SEMA5A: variants seen among roughly 807,000 people sequenced by gnomAD.
The protein encoded by SEMA5A is semaphorin-5A.
In SEMA5A, 55 loss-of-function variants were observed where a neutral mutation model predicts 135.5. The observed-to-expected ratio is 0.41, with a 90% CI of 0.33 to 0.51. The LOEUF is 0.51. SEMA5A is among the 20% of genes least tolerant of loss of function. The pLI is 0.37. For synonymous variants in SEMA5A, 580 were observed against 546.5 expected (o/e 1.06, Z -0.85); for missense variants, 1,290 against 1,419.9 (o/e 0.91, Z 1.47).
At chr5:9,099,174 C>T (rs1033071112) in intron 16 of SEMA5A, among the ~76,000 whole-genome samples, 3 of 152,122 alleles carry the variant, frequency 2.0e-5, no homozygotes, top group African/African-American at 7.2e-5. Context: ...TGCCATACAT[C>T]ATTCTTAAGC....
intron 11 of SEMA5A, among the ~76,000 whole-genome samples, chr5:9,161,509 C>A (rs1743254206): frequency 6.6e-6 from 1 of 152,150 alleles, no homozygotes; most frequent in Non-Finnish European, 1.5e-5. Context: ...CATATGTAAT[C>A]AATATAAAAT....
intron 11 of SEMA5A, among the ~76,000 whole-genome samples, chr5:9,181,085 T>C (rs930284083): frequency 6.6e-6 from 1 of 152,116 alleles, no homozygotes; most frequent in Non-Finnish European, 1.5e-5. Context: ...TAAGTGAAGG[T>C]GACAGGCATG....
chr5:9,083,878 C>T (rs961253500), intron 16 of SEMA5A, among the ~76,000 whole-genome samples: 4 of 152,204 alleles, frequency 2.6e-5, no homozygotes, highest in African/African-American at 4.8e-5. Flanking sequence ...TGATTCAGGA[C>T]TCTCTGTCTG....
intron 21 of SEMA5A, among the ~76,000 whole-genome samples, chr5:9,049,187 A>C (rs1404532618): frequency 6.7e-6 from 1 of 149,498 alleles, no homozygotes; most frequent in Non-Finnish European, 1.5e-5. Flanking sequence ...TTTGATGCAG[A>C]GTCTCATTCT....
rs569622725 is a variant in SEMA5A, at chr5:9,372,190, C to T, written c.124+7633G>A. Among the ~76,000 whole-genome samples the T allele has an allele frequency of 3.3e-5, 5 of 152,328 alleles. No homozygotes were observed. The South Asian group carries it at 1.0e-3, about 32-fold the overall frequency. On this transcript the variant is annotated intron_variant, in intron 3 of 22. Transcript: ENST00000382496. The stretch of plus-strand genomic sequence containing the variant: ...CAGGGACTCGAGGAATCCTCTACTG[C>T]AGCCTGTCCTGTGGCAATGAGGTTG...
rs777104569 is a variant in SEMA5A, at chr5:9,227,000, T to A, written c.334-33A>T. On this transcript the variant is annotated intron_variant, in intron 6 of 22. Transcript: ENST00000382496. ...AAAATAAATAAATTAATTAAAAATA[T>A]ATATATATATGTATAATGATAAACA... 49 of 1,080,016 alleles carry A rather than the reference T, an allele frequency of 4.5e-5. No individual in the cohort carries two copies. The African/African-American group carries it at 7.4e-4, about 16-fold the overall frequency. 66.9% of individuals were successfully genotyped at this position (1,080,016 alleles called of 1,614,324 possible). A position where few individuals can be genotyped will look rare whatever the true frequency, so the allele number is the denominator to read the frequency against.
intron 1 of SEMA5A, among the ~76,000 whole-genome samples, chr5:9,492,967 T>C (rs1226890543): frequency 3.3e-5 from 5 of 152,140 alleles, no homozygotes; most frequent in African/African-American, 9.7e-5. Context: ...TGTCCAAATC[T>C]GTAGAATATA....
chr5:9,258,314 T>C (rs969070853), intron 5 of SEMA5A, among the ~76,000 whole-genome samples: 2 of 152,162 alleles, frequency 1.3e-5, no homozygotes, highest in Non-Finnish European at 1.5e-5. Flanking sequence ...ATCTTGGCCA[T>C]TGGGTTACAA....
At chr5:9,243,379 G>A (rs1748313381) in intron 5 of SEMA5A, among the ~76,000 whole-genome samples, 1 of 152,140 alleles carries the variant, frequency 6.6e-6, no homozygotes, top group Non-Finnish European at 1.5e-5. Flanking sequence ...ACCGGCCACT[G>A]GATTAAGGCC....
intron 3 of SEMA5A, among the ~76,000 whole-genome samples, chr5:9,364,502 T>G (rs1402644433): frequency 6.6e-6 from 1 of 152,184 alleles, no homozygotes; most frequent in African/African-American, 2.4e-5. Context: ...CAATGAGAGA[T>G]GGCTTGCTTT....
chr5:9,119,124 G>A lies in SEMA5A; in HGVS notation c.1799C>T (p.Pro600Leu). 6.2e-7 allele frequency: 1 copy of A among 1,613,736 alleles called. No homozygotes were observed. Residue 600 changes from proline (P) to leucine (L), a missense_variant, in exon 15 of 23, where the codon CCC becomes CTC. Transcript: ENST00000382496. Reference protein sequence around the residue: ...ANCSRNGGWTPWTSWSPCSTT... With the variant: ...ANCSRNGGWTLWTSWSPCSTT... The stretch of plus-strand genomic sequence containing the variant: ...GCTGCAGGGAGACCACGAGGTCCAG[G>A]GAGTCCAGCCTCCGTTCCTGAGGGA...
At chr5:9,397,758 C>A (rs774291603) in intron 2 of SEMA5A, among the ~76,000 whole-genome samples, 1 of 152,192 alleles carries the variant, frequency 6.6e-6, no homozygotes, top group Non-Finnish European at 1.5e-5. Context: ...ATTCACACCA[C>A]CAGAGGATTG....
chr5:9,205,485 G>A (rs1470600095), intron 8 of SEMA5A, among the ~76,000 whole-genome samples: 1 of 152,110 alleles, frequency 6.6e-6, no homozygotes, highest in Non-Finnish European at 1.5e-5. Context: ...TGTACCCTGT[G>A]TCTGTTCCAG....
At chr5:9,146,136 G>T (rs1742321761) in intron 12 of SEMA5A, among the ~76,000 whole-genome samples, 1 of 152,096 alleles carries the variant, frequency 6.6e-6, no homozygotes, top group Non-Finnish European at 1.5e-5. Context: ...CCTGCCCAGG[G>T]TCTGGGGGTG....
intron 2 of SEMA5A, among the ~76,000 whole-genome samples, chr5:9,388,596 A>G (rs548224732): frequency 6.6e-6 from 1 of 152,196 alleles, no homozygotes; most frequent in Non-Finnish European, 1.5e-5. Flanking sequence ...TCATGTGGAC[A>G]CACTAAAATA....
intron 3 of SEMA5A, chr5:9,367,527 A>G (rs1348339009): frequency 6.6e-6 from 1 of 152,230 alleles, no homozygotes; most frequent in African/African-American, 2.4e-5. Context: ...TTCAAAAGCA[A>G]TCTGAAAATC....
At chr5:9,078,908 A>G (rs1205968547) in intron 16 of SEMA5A, among the ~76,000 whole-genome samples, 1 of 152,136 alleles carries the variant, frequency 6.6e-6, no homozygotes, top group Non-Finnish European at 1.5e-5. Context: ...GTTTGCAAAG[A>G]CCTGATGATT....
At chr5:9,395,987 A>G (rs1418061626) in intron 2 of SEMA5A, among the ~76,000 whole-genome samples, 2 of 152,160 alleles carry the variant, frequency 1.3e-5, no homozygotes, top group African/African-American at 4.8e-5. Flanking sequence ...CCCAAGCACA[A>G]ATCTCACAGT....
intron 5 of SEMA5A, among the ~76,000 whole-genome samples, chr5:9,275,231 G>C (rs1255734215): frequency 6.6e-6 from 1 of 151,490 alleles, no homozygotes; most frequent in African/African-American, 2.4e-5. Context: ...AGAAAATCTA[G>C]AAGAAATGGA....
Sources: allele counts gnomAD v4.1 joint callset (sites outside exome capture counted in the v4.1 genomes callset), GRCh38; gene constraint gnomAD v4.1.1; transcripts MANE v1.5; gene names NCBI Gene and HGNC (gene_info 2026-07-23, HGNC 2026-07-21).